SCLT1: variants seen among roughly 807,000 people sequenced by gnomAD.
SCLT1 encodes the protein sodium channel and clathrin linker 1.
A neutral mutation model predicts 112.8 loss-of-function variants in SCLT1; 78 were observed. The ratio of observed to expected loss-of-function variants is 0.69; its 90% CI spans 0.58 to 0.83. The LOEUF (loss-of-function observed/expected upper bound fraction) is 0.83, where lower values mean the gene tolerates loss of function less well. Among genes scored for constraint, SCLT1 ranks in the 40% least tolerant of loss-of-function variants. The pLI, the probability that SCLT1 is intolerant of heterozygous loss-of-function variation, is 0.00. For missense variants in SCLT1, 747 were observed against 770.4 expected (o/e 0.97, Z 0.36); for synonymous variants, 257 against 254.7 (o/e 1.01, Z -0.09).
chr4:129,064,336 A>G (rs1750276882), intron 2 of SCLT1, among the ~76,000 whole-genome samples: 1 of 152,168 alleles, frequency 6.6e-6, no homozygotes, highest in Admixed American at 6.6e-5. Context: ...CAAAATTTCA[A>G]TTTATGGACC....
intron 18 of SCLT1, 76 bp downstream of exon 18, chr4:128,936,579 T>C: frequency 1.2e-6 from 1 of 818,494 alleles, no homozygotes; most frequent in East Asian, 2.8e-5. Flanking sequence ...TTAAAAAAGA[T>C]TATGGCAAGG....
intron 3 of SCLT1, among the ~76,000 whole-genome samples, chr4:128,877,448 GAGGT>G (rs1387957966): frequency 6.6e-6 from 1 of 152,190 alleles, no homozygotes. Flanking sequence ...TTGGGAGGTG[GAGGT>G]GGGCAGATCA....
chr4:128,999,767 G>T lies in SCLT1; in HGVS notation c.454C>A (p.Gln152Lys). The T allele has an allele frequency of 1.2e-6, 2 of 1,600,138 alleles. No homozygotes were observed. The highest frequency in any genetic ancestry group is 2.7e-5 in the African/African-American group (2 of 74,414). Reference protein sequence around the residue: ...QEKTQAVELWQTVSQELDRLH... With the variant: ...QEKTQAVELWKTVSQELDRLH... ...CTGTCCAACTCCTGAGAAACAGTCT[G>T]CCAGAGTTCCACAGCCTGAGTTTTT... The change falls in exon 7 of 21, where the codon CAG (glutamine) becomes AAG (lysine). Residue 152 changes from glutamine (Q) to lysine (K), a missense_variant. Physicochemically the swap from Gln to Lys is moderately conservative, Grantham distance 53 (BLOSUM62 1). This residue lies in a region of SCLT1 where 723 missense variants were observed against 721.3 expected (regional missense o/e 1.00). Transcript: ENST00000281142.
intron 17 of SCLT1, among the ~76,000 whole-genome samples, chr4:128,939,980 T>C (rs1737543896): frequency 1.3e-5 from 2 of 152,166 alleles, no homozygotes; most frequent in South Asian, 2.1e-4. Context: ...GCTAGTTAGT[T>C]AAGACGTTCG....
At chr4:129,092,163 C>T (rs1752888846) in intron 1 of SCLT1, among the ~76,000 whole-genome samples, 3 of 152,192 alleles carry the variant, frequency 2.0e-5, no homozygotes, top group Admixed American at 2.0e-4. Context: ...ATTCCTATAA[C>T]CCATGCAATG....
intron 17 of SCLT1, among the ~76,000 whole-genome samples, chr4:128,939,965 T>C (rs1260341699): frequency 1.3e-5 from 2 of 152,180 alleles, no homozygotes; most frequent in Non-Finnish European, 2.9e-5. Context: ...TAAAATAGAA[T>C]TATAGCTAGT....
chr4:128,954,317 G>GTT (rs372723818), intron 13 of SCLT1, among the ~76,000 whole-genome samples: 11 of 113,760 alleles, frequency 9.7e-5, no homozygotes, highest in Non-Finnish European at 1.6e-4. Flanking sequence ...GTCTATTTTA[G>GTT]TTTTTTTTTT....
intron 1 of SCLT1, among the ~76,000 whole-genome samples, chr4:129,091,676 C>T (rs1411905192): frequency 1.3e-5 from 2 of 152,150 alleles, no homozygotes; most frequent in African/African-American, 4.8e-5. Context: ...ATAACATATA[C>T]CATGCACTTA....
At chr4:128,976,327 C>A (rs373660150) in intron 9 of SCLT1, among the ~76,000 whole-genome samples, 4 of 152,306 alleles carry the variant, frequency 2.6e-5, no homozygotes, top group African/African-American at 9.6e-5. Flanking sequence ...AAAATACCTA[C>A]AAGATTGACA....
chr4:128,950,150 T>A (rs1738595316), intron 14 of SCLT1, among the ~76,000 whole-genome samples: 2 of 152,174 alleles, frequency 1.3e-5, no homozygotes, highest in Admixed American at 1.3e-4. Context: ...GTTGCTTATC[T>A]AGGAGAGGGT....
intron 18 of SCLT1, among the ~76,000 whole-genome samples, chr4:128,923,758 T>C (rs1317029732): frequency 2.6e-5 from 4 of 152,094 alleles, no homozygotes; most frequent in Admixed American, 6.6e-5. Flanking sequence ...GGGTTCTCAT[T>C]TTCAGCCATT....
At chr4:129,015,604 C>T (rs542537394) in intron 5 of SCLT1, among the ~76,000 whole-genome samples, 44 of 152,284 alleles carry the variant, frequency 2.9e-4, no homozygotes, top group African/African-American at 9.9e-4. Context: ...TGCTCCTGCA[C>T]CAAACCCTCT....
intron 18 of SCLT1, among the ~76,000 whole-genome samples, chr4:128,905,845 T>G (rs1420767555): frequency 6.6e-6 from 1 of 152,076 alleles, no homozygotes; most frequent in Non-Finnish European, 1.5e-5. Context: ...CTCTTCTAAC[T>G]CCTACCTCCA....
intron 9 of SCLT1, among the ~76,000 whole-genome samples, chr4:128,991,036 A>G (rs1478183967): frequency 6.6e-6 from 1 of 151,920 alleles, no homozygotes; most frequent in Admixed American, 6.6e-5. Context: ...ATTAAATGCA[A>G]TCAAAATACC....
chr4:129,033,506 A>ATT (rs1746927265), intron 5 of SCLT1, among the ~76,000 whole-genome samples: 1 of 142,130 alleles, frequency 7.0e-6, no homozygotes, highest in African/African-American at 2.8e-5. Context: ...TTAAAGTAAA[A>ATT]AAAAAAAAAA....
intron 18 of SCLT1, among the ~76,000 whole-genome samples, chr4:128,899,750 T>A (rs1734108000): frequency 6.6e-6 from 1 of 152,202 alleles, no homozygotes; most frequent in Non-Finnish European, 1.5e-5. Flanking sequence ...TGTTTGAAGA[T>A]GACATGATTG....
At chr4:128,903,358 G>C (rs1734468698) in intron 18 of SCLT1, among the ~76,000 whole-genome samples, 1 of 152,046 alleles carries the variant, frequency 6.6e-6, no homozygotes, top group South Asian at 2.1e-4. Context: ...TATTATATAT[G>C]TGGTCCATCG....
chr4:129,009,855 G>C (rs985102884), intron 5 of SCLT1, among the ~76,000 whole-genome samples: 8 of 152,148 alleles, frequency 5.3e-5, no homozygotes, highest in African/African-American at 1.9e-4. Flanking sequence ...TTTGACCTTT[G>C]TCAGATGCAG....
At chr4:128,983,307 C>T (rs1024670525) in intron 9 of SCLT1, among the ~76,000 whole-genome samples, 1 of 152,082 alleles carries the variant, frequency 6.6e-6, no homozygotes, top group Non-Finnish European at 1.5e-5. Context: ...AATCTGAGCA[C>T]ATGAGAGTTG....
Sources: gnomAD v4.1 joint callset for allele counts (sites outside exome capture counted in the v4.1 genomes callset) on GRCh38, gnomAD v4.1.1 for gene constraint, gnomAD v4.1.1 regional missense constraint, MANE v1.5 for transcripts, NCBI Gene and HGNC (gene_info 2026-07-23, HGNC 2026-07-21) for gene names.